Variants in EDIL3 observed in about 807,000 individuals in gnomAD.
EDIL3 encodes the protein EGF like and discoidin domains 3.
Under a neutral mutation model 67.4 loss-of-function variants are expected in EDIL3, and 37 were observed. The observed-to-expected ratio is 0.55, with a 90% CI of 0.42 to 0.72. The LOEUF is 0.72. Among genes scored for constraint, EDIL3 ranks in the 30% least tolerant of loss-of-function variants. The pLI is 0.00. For synonymous variants in EDIL3, 195 were observed against 196.3 expected (o/e 0.99, Z 0.05); for missense variants, 527 against 586.3 (o/e 0.90, Z 1.04).
chr5:84,276,701 T>C (rs1368204907), intron 1 of EDIL3, among the ~76,000 whole-genome samples: 2 of 152,072 alleles, frequency 1.3e-5, no homozygotes, highest in African/African-American at 4.8e-5. Context: ...CTGGAGTAGC[T>C]GGAATTACAG....
At chr5:84,206,256 G>C (rs1353115888) in intron 3 of EDIL3, among the ~76,000 whole-genome samples, 1 of 152,174 alleles carries the variant, frequency 6.6e-6, no homozygotes, top group Non-Finnish European at 1.5e-5. Flanking sequence ...GTTCTAGTTT[G>C]AGTGCACTGT....
At chr5:84,271,015 T>TA (rs1745463049) in intron 1 of EDIL3, among the ~76,000 whole-genome samples, 1 of 152,212 alleles carries the variant, frequency 6.6e-6, no homozygotes, top group Admixed American at 6.5e-5. Context: ...CACGAATTTG[T>TA]GACACAGTCC....
intron 1 of EDIL3, among the ~76,000 whole-genome samples, chr5:84,334,939 T>A (rs1746955701): frequency 6.6e-6 from 1 of 152,222 alleles, no homozygotes; most frequent in South Asian, 2.1e-4. Flanking sequence ...TCCATTTTGT[T>A]AGTAATTATG....
intron 4 of EDIL3, among the ~76,000 whole-genome samples, chr5:84,176,315 A>T (rs1298527831): frequency 1.3e-5 from 1 of 79,964 alleles, no homozygotes; most frequent in Non-Finnish European, 2.5e-5. Context: ...TATATATATA[A>T]TATATATATA....
chr5:84,176,303 CAT>C (rs537628568), intron 4 of EDIL3, among the ~76,000 whole-genome samples: 5 of 73,218 alleles, frequency 6.8e-5, no homozygotes, highest in African/African-American at 1.5e-4. Context: ...AATATATTTC[CAT>C]ATATATATAA....
chr5:84,122,607 A>G (rs1427138629), intron 5 of EDIL3, among the ~76,000 whole-genome samples: 1 of 151,886 alleles, frequency 6.6e-6, no homozygotes, highest in Non-Finnish European at 1.5e-5. Context: ...GAACCCAGGT[A>G]CATCTATTAC....
intron 2 of EDIL3, among the ~76,000 whole-genome samples, chr5:84,242,836 T>TTAG (rs1407680147): frequency 2.0e-5 from 3 of 150,754 alleles, no homozygotes; most frequent in Admixed American, 6.6e-5. Flanking sequence ...ATTATTATTA[T>TTAG]TATTTCTTCG....
intron 3 of EDIL3, among the ~76,000 whole-genome samples, chr5:84,208,889 G>T (rs1190634661): frequency 1.3e-5 from 2 of 151,830 alleles, no homozygotes; most frequent in African/African-American, 2.4e-5. Flanking sequence ...ATACCCAAAG[G>T]ACTATAAATC....
chr5:84,099,197 T>C (rs1747317430), intron 6 of EDIL3, among the ~76,000 whole-genome samples: 1 of 152,160 alleles, frequency 6.6e-6, no homozygotes. Context: ...ATAGATTCAA[T>C]GCTATCCCCA....
chr5:84,029,833 C>T (rs1317744140), intron 9 of EDIL3, among the ~76,000 whole-genome samples: 1 of 152,130 alleles, frequency 6.6e-6, no homozygotes, highest in African/African-American at 2.4e-5. Context: ...GGAGACAACA[C>T]TTTAAAAGAT....
intron 9 of EDIL3, among the ~76,000 whole-genome samples, chr5:84,007,454 A>C (rs1358167905): frequency 6.6e-6 from 1 of 152,164 alleles, no homozygotes; most frequent in Non-Finnish European, 1.5e-5. Context: ...TGATCAGAAA[A>C]TGGGCAGAAA....
intron 3 of EDIL3, among the ~76,000 whole-genome samples, chr5:84,211,330 T>C (rs1409219348): frequency 6.6e-6 from 1 of 152,134 alleles, no homozygotes; most frequent in Non-Finnish European, 1.5e-5. Context: ...TAATGTCTGC[T>C]CCTCTCTGCC....
chr5:84,075,594 G>C (rs1439505649), intron 6 of EDIL3, among the ~76,000 whole-genome samples: 2 of 152,028 alleles, frequency 1.3e-5, no homozygotes, highest in Non-Finnish European at 2.9e-5. Flanking sequence ...TCCTGCCTTA[G>C]CCTCTCGAAT....
At chr5:84,212,949 A>C (rs778396810) in intron 3 of EDIL3, among the ~76,000 whole-genome samples, 4 of 152,136 alleles carry the variant, frequency 2.6e-5, no homozygotes, top group Middle Eastern at 6.8e-3. Context: ...CTACCCACCA[A>C]AGAGTCAGAG....
chr5:84,317,153 A>C (rs914110252), intron 1 of EDIL3, among the ~76,000 whole-genome samples: 1 of 152,210 alleles, frequency 6.6e-6, no homozygotes, highest in Non-Finnish European at 1.5e-5. Flanking sequence ...CCACAAGAGA[A>C]AGGAGGAAAG....
intron 4 of EDIL3, among the ~76,000 whole-genome samples, chr5:84,166,231 G>A (rs1471288368): frequency 3.3e-5 from 5 of 152,174 alleles, no homozygotes; most frequent in African/African-American, 4.8e-5. Context: ...ATGAGGTACC[G>A]TGTTCCTCAA....
chr5:84,349,184 T>C (rs1747301934), intron 1 of EDIL3, among the ~76,000 whole-genome samples: 1 of 152,176 alleles, frequency 6.6e-6, no homozygotes, highest in Admixed American at 6.6e-5. Context: ...CAGCTTGCTT[T>C]CCCAAGCAGG....
intron 1 of EDIL3, among the ~76,000 whole-genome samples, chr5:84,331,272 T>C (rs555597132): frequency 5.3e-5 from 8 of 152,244 alleles, no homozygotes; most frequent in African/African-American, 1.9e-4. Flanking sequence ...GGCATGATTG[T>C]GTTTTGAAAT....
chr5:84,088,217 T>C (rs1747105209), intron 6 of EDIL3, among the ~76,000 whole-genome samples: 1 of 152,238 alleles, frequency 6.6e-6, no homozygotes, highest in South Asian at 2.1e-4. Context: ...TATTCATTCA[T>C]CTACTGTAGA....
Sources: gnomAD v4.1 joint callset for allele counts (sites outside exome capture counted in the v4.1 genomes callset) on GRCh38, gnomAD v4.1.1 for gene constraint, MANE v1.5 for transcripts, NCBI Gene and HGNC (gene_info 2026-07-23, HGNC 2026-07-21) for gene names.